SFMBT2: variants seen among roughly 807,000 people sequenced by gnomAD.
SFMBT2 encodes scm-like with four MBT domains protein 2.
In SFMBT2, 38 loss-of-function variants were observed where a neutral mutation model predicts 110.1. The ratio of observed to expected loss-of-function variants is 0.35; its 90% CI spans 0.27 to 0.45. The LOEUF (loss-of-function observed/expected upper bound fraction) is 0.45, where lower values mean the gene tolerates loss of function less well. SFMBT2 is among the 20% of genes least tolerant of loss of function. The pLI is 1.00. For synonymous variants in SFMBT2, 425 were observed against 425.4 expected (o/e 1.00, Z 0.01); for missense variants, 1,011 against 1,094.9 (o/e 0.92, Z 1.08).
At chr10:7,166,673 A>T (rs113042516) in intron 20 of SFMBT2, among the ~76,000 whole-genome samples, 1 of 152,322 alleles carries the variant, frequency 6.6e-6, no homozygotes, top group Non-Finnish European at 1.5e-5. Flanking sequence ...TAAGGGCTCA[A>T]ACAGGACAGG....
intron 1 of SFMBT2, among the ~76,000 whole-genome samples, chr10:7,405,177 G>T (rs1011121233): frequency 6.6e-6 from 1 of 152,182 alleles, no homozygotes; most frequent in African/African-American, 2.4e-5. Flanking sequence ...CTCACTTGCT[G>T]GCTACCAGAA....
intron 4 of SFMBT2, among the ~76,000 whole-genome samples, chr10:7,350,063 A>G (rs12257553): frequency 0.069 from 10,458 of 152,172 alleles, 818 homozygotes; most frequent in African/African-American, 0.19. Context: ...CCCGGGAGGC[A>G]CTGCCCACAG....
intron 9 of SFMBT2, among the ~76,000 whole-genome samples, chr10:7,229,378 A>C (rs538002160): frequency 1.9e-4 from 29 of 152,218 alleles, no homozygotes; most frequent in African/African-American, 6.0e-4. Context: ...CAGCAGTTCA[A>C]GACCAGCCTG....
At chr10:7,259,996 G>A (rs1841144419) in intron 7 of SFMBT2, among the ~76,000 whole-genome samples, 1 of 152,210 alleles carries the variant, frequency 6.6e-6, no homozygotes, top group African/African-American at 2.4e-5. Flanking sequence ...CAAAGATGCT[G>A]TTATGAATGA....
At chr10:7,217,560 G>C (rs1839580870) in intron 11 of SFMBT2, among the ~76,000 whole-genome samples, 1 of 152,150 alleles carries the variant, frequency 6.6e-6, no homozygotes, top group African/African-American at 2.4e-5. Context: ...TGCTAAGGAA[G>C]ACAATGCAAG....
chr10:7,290,975 G>T (rs1024423443), intron 4 of SFMBT2, among the ~76,000 whole-genome samples: 5 of 152,220 alleles, frequency 3.3e-5, no homozygotes, highest in African/African-American at 4.8e-5. Context: ...TCCACATAGA[G>T]TCCAAAGCCG....
In SFMBT2 at chr10:7,205,868, A is replaced by G; in HGVS notation, c.1391T>C (p.Val464Ala). The change falls in exon 12 of 21, where the codon GTG becomes GCG. Residue 464 changes from valine (V) to alanine (A), a missense_variant. Coordinates refer to ENST00000397167, the MANE Select transcript of SFMBT2 (RefSeq NM_001387889.1). ...VDVESMDIFP[V>A]GWCEANSYPL... ...ATAAGAATTGGCTTCACACCAGCCC[A>G]CTGGGAAGATGTCCATGGATTCCAC... 1 of 1,614,140 alleles carries G rather than the reference A, an allele frequency of 6.2e-7. No homozygotes were observed. Among genetic ancestry groups the G allele is most frequent in the Non-Finnish European group, 8.5e-7 (1 of 1,180,006 alleles).
At chr10:7,226,408 C>T (rs1318850580) in intron 10 of SFMBT2, among the ~76,000 whole-genome samples, 3 of 152,252 alleles carry the variant, frequency 2.0e-5, no homozygotes, top group South Asian at 2.1e-4. Flanking sequence ...GCCTATGCAG[C>T]CACCCCTTTC....
intron 11 of SFMBT2, chr10:7,206,947 C>T (rs919565230): frequency 1.1e-4 from 108 of 985,268 alleles, no homozygotes; most frequent in Admixed American, 3.1e-4. Context: ...ACACAGTGGC[C>T]GGGTGTGGTG....
At chr10:7,254,927 T>TGA (rs1840947964) in intron 7 of SFMBT2, among the ~76,000 whole-genome samples, 2 of 151,806 alleles carry the variant, frequency 1.3e-5, no homozygotes, top group African/African-American at 2.4e-5. Context: ...AAGGCAAAAC[T>TGA]AGTCACTTGA....
In SFMBT2 at chr10:7,285,597, G is replaced by A. The variant is rs1267019872; in HGVS notation, c.525+269C>T. ...GCTTAAAGATATAGGACAGTAGGAAGACATCCTAGCATATTGTGATTTAAA... is the reference window on the plus strand; with the variant it reads ...GCTTAAAGATATAGGACAGTAGGAAAACATCCTAGCATATTGTGATTTAAA... On this transcript the variant is annotated intron_variant, in intron 5 of 20. Transcript: ENST00000397167. The A allele has an allele frequency of 1.9e-5, 7 of 376,662 alleles. No homozygotes were observed. The South Asian group carries it at 1.9e-4, about 10-fold the overall frequency. The allele number at this position is 376,662 out of a possible 1,614,324, so 23.3% of individuals were successfully genotyped here. A position where few individuals can be genotyped will look rare whatever the true frequency, so the allele number is the denominator to read the frequency against.
chr10:7,298,946 C>T (rs139835317), intron 4 of SFMBT2, among the ~76,000 whole-genome samples: 10 of 152,272 alleles, frequency 6.6e-5, no homozygotes, highest in African/African-American at 2.2e-4. Context: ...CATGGTGGCT[C>T]ACATCTGTAA....
In SFMBT2 at chr10:7,408,394, G is replaced by A. The variant is rs903221141; in HGVS notation, c.-52+2467C>T. 6.6e-6 allele frequency among the ~76,000 whole-genome samples: 1 copy of A among 152,232 alleles called. No individual in the cohort carries two copies. Among genetic ancestry groups the A allele is most frequent in the Non-Finnish European group, 1.5e-5 (1 of 68,026 alleles). On this transcript the variant is annotated intron_variant, in intron 1 of 20. Transcript: ENST00000397167. The surrounding 1 kb of genome is among the most constrained non-coding windows in gnomAD (Gnocchi z 5.7). ...CCCACCCACTGACAGCACGGCGTCC[G>A]AGTGACCCTGTCTAGCCTCGTTCTG...
intron 7 of SFMBT2, among the ~76,000 whole-genome samples, chr10:7,270,293 G>A (rs1221863617): frequency 2.0e-5 from 3 of 152,148 alleles, no homozygotes; most frequent in Admixed American, 2.0e-4. Context: ...AGAGCCTTCA[G>A]GGGAGTGTGG....
At chr10:7,237,136 G>T (rs1840282389) in intron 9 of SFMBT2, among the ~76,000 whole-genome samples, 1 of 152,174 alleles carries the variant, frequency 6.6e-6, no homozygotes, top group Admixed American at 6.5e-5. Flanking sequence ...CTGACACAAC[G>T]TGGAGAGTAT....
intron 11 of SFMBT2, chr10:7,206,854 C>T (rs1303982905): frequency 4.1e-5 from 40 of 983,940 alleles, no homozygotes; most frequent in Non-Finnish European, 4.8e-5. Flanking sequence ...GATCAGAGCT[C>T]CATTAATAGA....
chr10:7,383,793 G>C (rs1226980999), intron 1 of SFMBT2, among the ~76,000 whole-genome samples: 8 of 152,174 alleles, frequency 5.3e-5, no homozygotes, highest in Admixed American at 4.6e-4. Flanking sequence ...CACAAGGTTT[G>C]AGGCGTAGAA....
At chr10:7,178,353 G>A (rs1307160982) in intron 16 of SFMBT2, among the ~76,000 whole-genome samples, 6 of 152,130 alleles carry the variant, frequency 3.9e-5, no homozygotes, top group African/African-American at 9.7e-5. Flanking sequence ...CCTTTTCAAC[G>A]CACTAGGAAA....
At chr10:7,386,901 A>G (rs1230607918) in intron 1 of SFMBT2, among the ~76,000 whole-genome samples, 1 of 152,192 alleles carries the variant, frequency 6.6e-6, no homozygotes, top group Non-Finnish European at 1.5e-5. Context: ...TAAGGGATGA[A>G]GTCACCTGCT....
Sources: gnomAD v4.1 joint callset for allele counts (sites outside exome capture counted in the v4.1 genomes callset) on GRCh38, gnomAD v4.1.1 for gene constraint, Gnocchi (gnomAD v3.1) non-coding constraint, MANE v1.5 for transcripts, NCBI Gene and HGNC (gene_info 2026-07-23, HGNC 2026-07-21) for gene names.